The following KCNN2 variants were observed in gnomAD, a reference collection of about 807,000 sequenced individuals.
KCNN2 encodes small conductance calcium-activated potassium channel protein 2.
KCNN2 carries 24 observed loss-of-function variants against 55.5 expected under a neutral mutation model. The observed-to-expected ratio is 0.43, with a 90% CI of 0.31 to 0.61. The LOEUF (loss-of-function observed/expected upper bound fraction) is 0.61. Among genes scored for constraint, KCNN2 ranks in the 20% least tolerant of loss-of-function variants. KCNN2 has a pLI of 0.08. For synonymous variants in KCNN2, 431 were observed against 336.1 expected (o/e 1.28, Z -3.09); for missense variants, 754 against 853.6 (o/e 0.88, Z 1.45).
intron 2 of KCNN2, among the ~76,000 whole-genome samples, chr5:114,261,079 A>G: frequency 6.6e-6 from 1 of 152,316 alleles, no homozygotes; most frequent in Non-Finnish European, 1.5e-5. Flanking sequence ...TGATAAATAT[A>G]TACTGTGTAA....
chr5:114,194,295 G>GCAT (rs982560688), intron 1 of KCNN2, among the ~76,000 whole-genome samples: 8 of 151,978 alleles, frequency 5.3e-5, no homozygotes, highest in African/African-American at 1.7e-4. Context: ...CAAAATGAAT[G>GCAT]CATCATTTTA....
intron 2 of KCNN2, among the ~76,000 whole-genome samples, chr5:114,299,556 G>C (rs1756108368): frequency 6.6e-6 from 1 of 152,180 alleles, no homozygotes; most frequent in Non-Finnish European, 1.5e-5. Context: ...TGGGGGGATA[G>C]GTACTAATGT....
chr5:114,400,996 T>G (rs1188152467), intron 2 of KCNN2, among the ~76,000 whole-genome samples: 1 of 151,956 alleles, frequency 6.6e-6, no homozygotes, highest in African/African-American at 2.4e-5. Flanking sequence ...TTTCTTTTTT[T>G]TTTTTCCTAG....
intron 2 of KCNN2, among the ~76,000 whole-genome samples, chr5:114,241,504 C>T (rs917224907): frequency 5.3e-5 from 8 of 151,144 alleles, no homozygotes; most frequent in Middle Eastern, 3.8e-3. Flanking sequence ...GGTATTAATA[C>T]GTATAGGAAG....
intron 5 of KCNN2, among the ~76,000 whole-genome samples, chr5:114,473,717 G>A (rs1761852563): frequency 6.6e-6 from 1 of 152,176 alleles, no homozygotes; most frequent in African/African-American, 2.4e-5. Flanking sequence ...GAAGAAAACA[G>A]TAATCACAAT....
chr5:114,489,899 C>A (rs529569467), intron 6 of KCNN2, among the ~76,000 whole-genome samples: 1 of 152,288 alleles, frequency 6.6e-6, no homozygotes, highest in Admixed American at 6.5e-5. Context: ...TCACTCCTGG[C>A]CTCTCCTACT....
intron 2 of KCNN2, among the ~76,000 whole-genome samples, chr5:114,372,219 G>A (rs1462183168): frequency 1.3e-5 from 2 of 152,154 alleles, no homozygotes; most frequent in African/African-American, 4.8e-5. Context: ...TTGGATACCT[G>A]TCGTTGACAC....
At chr5:114,083,091 T>C (rs1022131715) in intron 1 of KCNN2, among the ~76,000 whole-genome samples, 14 of 152,130 alleles carry the variant, frequency 9.2e-5, no homozygotes, top group African/African-American at 2.4e-5. Flanking sequence ...ACAATATAAA[T>C]CTAAAAAAAT....
chr5:114,480,109 A>G (rs951830835), intron 5 of KCNN2, among the ~76,000 whole-genome samples: 6 of 152,022 alleles, frequency 3.9e-5, no homozygotes, highest in Non-Finnish European at 7.4e-5. Context: ...TAAAATAAAT[A>G]GATAGACCAC....
chr5:114,303,296 A>G (rs905739203), intron 2 of KCNN2, among the ~76,000 whole-genome samples: 1 of 152,200 alleles, frequency 6.6e-6, no homozygotes. Context: ...TAATTTTTAG[A>G]TGAGAAATGC....
intron 2 of KCNN2, among the ~76,000 whole-genome samples, chr5:114,241,766 A>G (rs1255006683): frequency 0.072 from 756 of 10,564 alleles, 177 homozygotes; most frequent in South Asian, 0.11. Context: ...ATATATACGT[A>G]TATATATACA....
chr5:114,253,631 C>G (rs909639163), intron 2 of KCNN2: 1 of 153,204 alleles, frequency 6.5e-6, no homozygotes, highest in African/African-American at 2.4e-5. Context: ...TCTCCTGAAG[C>G]TGTGTGCTTG....
intron 2 of KCNN2, among the ~76,000 whole-genome samples, chr5:114,376,261 C>T (rs948449693): frequency 5.3e-5 from 8 of 152,224 alleles, no homozygotes; most frequent in Admixed American, 2.0e-4. Context: ...GGAAAGGGGA[C>T]ATGTGTTTAG....
At chr5:114,232,556 G>A (rs1239791463) in intron 2 of KCNN2, among the ~76,000 whole-genome samples, 1 of 151,006 alleles carries the variant, frequency 6.6e-6, no homozygotes, top group East Asian at 1.9e-4. Context: ...CTGTGTCCAC[G>A]ATAATGAGTA....
intron 1 of KCNN2, among the ~76,000 whole-genome samples, chr5:114,064,156 C>A (rs1259596588): frequency 6.6e-6 from 1 of 152,190 alleles, no homozygotes; most frequent in Non-Finnish European, 1.5e-5. Flanking sequence ...ATGATTCTAA[C>A]ATGTAGACAC....
At chr5:114,381,642 G>A (rs965973825) in intron 2 of KCNN2, among the ~76,000 whole-genome samples, 2 of 152,092 alleles carry the variant, frequency 1.3e-5, no homozygotes, top group African/African-American at 4.8e-5. Context: ...AATACCCTTG[G>A]ATTTTTCAGC....
At chr5:114,324,305 G>T (rs1203531526) in intron 2 of KCNN2, among the ~76,000 whole-genome samples, 1 of 152,184 alleles carries the variant, frequency 6.6e-6, no homozygotes, top group Admixed American at 6.5e-5. Flanking sequence ...TTGCAGATAT[G>T]ATTAAAATTA....
chr5:114,373,703 A>C (rs1368854406), intron 2 of KCNN2, among the ~76,000 whole-genome samples: 1 of 127,476 alleles, frequency 7.8e-6, no homozygotes, highest in Non-Finnish European at 1.7e-5. Context: ...GGCTATTTAC[A>C]TGTCAGCTCT....
intron 1 of KCNN2, among the ~76,000 whole-genome samples, chr5:114,138,044 C>A (rs1421042584): frequency 6.6e-6 from 1 of 152,048 alleles, no homozygotes; most frequent in East Asian, 1.9e-4. Context: ...TTGCAATAAT[C>A]CTTCCAGTTT....
Sources: allele counts gnomAD v4.1 joint callset (sites outside exome capture counted in the v4.1 genomes callset), GRCh38; gene constraint gnomAD v4.1.1; transcripts MANE v1.5; gene names NCBI Gene and HGNC (gene_info 2026-07-23, HGNC 2026-07-21).